TXNRD1: variants seen among roughly 807,000 people sequenced by gnomAD.
TXNRD1 encodes thioredoxin reductase 1, cytoplasmic.
TXNRD1 carries 57 observed loss-of-function variants against 80.3 expected under a neutral mutation model. The observed-to-expected ratio is 0.71, with a 90% confidence interval of 0.57 to 0.89. The LOEUF (loss-of-function observed/expected upper bound fraction) is 0.89. Among genes scored for constraint, TXNRD1 ranks in the 40% least tolerant of loss-of-function variants. The probability of loss-of-function intolerance (pLI) is 0.00; values close to 1 mark genes in which losing one functional copy is unlikely to be tolerated. For synonymous variants in TXNRD1, 291 were observed against 285.2 expected, an observed-to-expected ratio of 1.02 and a Z score of -0.20; for missense variants, 730 against 803.0, an observed-to-expected ratio of 0.91 and a Z score of 1.10.
rs186275903 is a variant in TXNRD1, at chr12:104,335,722, G to A, written c.1746+1390G>A. On this transcript the variant is annotated intron_variant, in intron 15 of 16. Transcript: ENST00000525566. Reference sequence around the variant, plus strand: ...CTTAGCTAACACTTTTTAAAGAAACGACCTCAGTAAAAATATAAATGATGT... The same window carrying A: ...CTTAGCTAACACTTTTTAAAGAAACAACCTCAGTAAAAATATAAATGATGT... Among the ~76,000 whole-genome samples, 375 of 152,090 alleles carry A rather than the reference G, an allele frequency of 2.5e-3. 4 individuals carry two copies. The highest frequency in any genetic ancestry group is 4.0e-3 in the Non-Finnish European group (275 of 67,990).
intron 3 of TXNRD1, among the ~76,000 whole-genome samples, chr12:104,258,516 G>A (rs544373538): frequency 6.6e-6 from 1 of 152,302 alleles, no homozygotes; most frequent in East Asian, 1.9e-4. Context: ...AAGTGCTACT[G>A]GGAAATCCCA....
At chr12:104,258,634 G>A (rs972211473) in intron 3 of TXNRD1, among the ~76,000 whole-genome samples, 1 of 152,130 alleles carries the variant, frequency 6.6e-6, no homozygotes, top group Admixed American at 6.6e-5. Flanking sequence ...ACATTATTAA[G>A]AATCTAATCT....
At chr12:104,274,835 C>T (rs2033723181) in intron 3 of TXNRD1, among the ~76,000 whole-genome samples, 1 of 152,060 alleles carries the variant, frequency 6.6e-6, no homozygotes, top group South Asian at 2.1e-4. Flanking sequence ...GGTTGATCTG[C>T]ACTTTTATGA....
At chr12:104,280,062 CAAA>C (rs34627940) in intron 3 of TXNRD1, among the ~76,000 whole-genome samples, 2 of 84,616 alleles carry the variant, frequency 2.4e-5, no homozygotes, top group Non-Finnish European at 2.3e-5. Flanking sequence ...GACTCTGTCT[CAAA>C]AAAAAAAAAA....
At chr12:104,331,770 A>G (rs1030075116) in intron 14 of TXNRD1, 129 bp downstream of exon 14, 14 of 602,882 alleles carry the variant, frequency 2.3e-5, no homozygotes, top group African/African-American at 3.7e-5. Context: ...TTCATATATT[A>G]CTAACATTGT....
At chr12:104,308,428 C>T (rs1009257417) in intron 4 of TXNRD1, among the ~76,000 whole-genome samples, 2 of 151,688 alleles carry the variant, frequency 1.3e-5, no homozygotes, top group Admixed American at 6.6e-5. Context: ...TAAAGAGAAT[C>T]GCAAAGATAC....
At chr12:104,230,226 G>A (rs550335228) in intron 1 of TXNRD1, among the ~76,000 whole-genome samples, 20 of 151,630 alleles carry the variant, frequency 1.3e-4, no homozygotes, top group Middle Eastern at 3.4e-3. Context: ...ATGCCACCAC[G>A]CCCGGCTAAT....
At position 104,321,069 on chromosome 12, in the gene TXNRD1, CTTT is replaced by C. The variant is rs80130284; in HGVS notation, c.990-10_990-8del. ...GGAACTTTCTTTTTCTTCTTTCTTC[CTTT>C]TTTTTTTTTTTCCCCCAGTGATGAT... On this transcript the variant is annotated intron_variant, in intron 9 of 16. Transcript: ENST00000525566. 9.5e-4 allele frequency: 1,222 copies of C among 1,288,376 alleles called. No individual in the cohort carries two copies. The highest frequency in any genetic ancestry group is 1.1e-3 in the Non-Finnish European group (1,035 of 926,118). The allele number at this position is 1,288,376 out of a possible 1,614,324, so 79.8% of individuals were successfully genotyped here.
At chr12:104,285,170 T>TCAAA (rs753752114) in intron 3 of TXNRD1, among the ~76,000 whole-genome samples, 48 of 152,030 alleles carry the variant, frequency 3.2e-4, no homozygotes, top group Admixed American at 8.5e-4. Flanking sequence ...CAAGAGACTG[T>TCAAA]CAAACAAACA....
rs375418978 is a variant in TXNRD1 at position 104,304,299 on chromosome 12, T to G, written c.415-6991T>G. 4 of 1,614,062 alleles carry G rather than the reference T, an allele frequency of 2.5e-6. No individual in the cohort carries two copies. Among genetic ancestry groups the G allele is most frequent in the Admixed American group, 1.7e-5 (1 of 60,030 alleles). On this transcript the variant is annotated intron_variant, in intron 4 of 16. Coordinates refer to ENST00000525566, the MANE Select transcript of TXNRD1 (RefSeq NM_001093771.3). ...TTTAATCAGTTAGCATTTTGTGACT[T>G]TCTGTTTCTGTTCGTGGGTCTGAAT...
chr12:104,271,305 C>T (rs1194402795), intron 3 of TXNRD1, among the ~76,000 whole-genome samples: 1 of 151,650 alleles, frequency 6.6e-6, no homozygotes, highest in Non-Finnish European at 1.5e-5. Context: ...CCTGCCTCAG[C>T]CTCCTGAGTT....
At chr12:104,337,563 G>A (rs2036180909) in intron 15 of TXNRD1, among the ~76,000 whole-genome samples, 1 of 151,850 alleles carries the variant, frequency 6.6e-6, no homozygotes, top group African/African-American at 2.4e-5. Flanking sequence ...TTTCAAAAAT[G>A]TTTTCAGACT....
chr12:104,217,251 G>A (rs929160118), intron 1 of TXNRD1, among the ~76,000 whole-genome samples: 3 of 145,538 alleles, frequency 2.1e-5, no homozygotes, highest in African/African-American at 7.7e-5. Context: ...TTTATTTACT[G>A]TTTTTCTTTA....
chr12:104,267,751 C>T (rs2033561778), intron 3 of TXNRD1, among the ~76,000 whole-genome samples: 1 of 136,806 alleles, frequency 7.3e-6, no homozygotes, highest in Admixed American at 7.7e-5. Context: ...TTCCTTCCTT[C>T]CTTCCTCCCT....
At chr12:104,307,474 A>G (rs963497559) in intron 4 of TXNRD1, among the ~76,000 whole-genome samples, 4 of 152,232 alleles carry the variant, frequency 2.6e-5, no homozygotes, top group African/African-American at 9.6e-5. Flanking sequence ...ACCAGCCACT[A>G]TGCTAACATG....
intron 1 of TXNRD1, among the ~76,000 whole-genome samples, chr12:104,227,054 G>T (rs1430309549): frequency 6.6e-6 from 1 of 152,142 alleles, no homozygotes; most frequent in Middle Eastern, 3.2e-3. Context: ...AGAGGAATTT[G>T]CTACATTCAA....
At chr12:104,256,888 GATAGA>G (rs1372148747) in intron 2 of TXNRD1, among the ~76,000 whole-genome samples, 1 of 151,032 alleles carries the variant, frequency 6.6e-6, no homozygotes, top group African/African-American at 2.4e-5. Flanking sequence ...CTATAGAAAT[GATAGA>G]AATCTCCGAG....
intron 2 of TXNRD1, among the ~76,000 whole-genome samples, chr12:104,254,640 AAAAAATAT>A (rs1565864242): frequency 9.4e-6 from 1 of 106,256 alleles, no homozygotes; most frequent in African/African-American, 5.1e-5. Flanking sequence ...GAAAAAAAAA[AAAAAATAT>A]ATATATATAT....
intron 1 of TXNRD1, among the ~76,000 whole-genome samples, chr12:104,237,387 T>A (rs1423979485): frequency 1.3e-5 from 2 of 152,200 alleles, no homozygotes; most frequent in Non-Finnish European, 2.9e-5. Flanking sequence ...GCCAATTAGC[T>A]TGGAGTTGCC....
Sources: allele counts gnomAD v4.1 joint callset (sites outside exome capture counted in the v4.1 genomes callset), GRCh38; gene constraint gnomAD v4.1.1; transcripts MANE v1.5; gene names NCBI Gene and HGNC (gene_info 2026-07-23, HGNC 2026-07-21).